The following RLIM variants were observed in gnomAD, a reference collection of about 807,000 sequenced individuals.
The protein encoded by RLIM is E3 ubiquitin-protein ligase RLIM.
A neutral mutation model predicts 34.0 loss-of-function variants in RLIM; 2 were observed. That is an observed-to-expected ratio of 0.06 (90% CI 0.02 to 0.19). The LOEUF (loss-of-function observed/expected upper bound fraction) is 0.19. Among genes scored for constraint, RLIM ranks in the 10% least tolerant of loss-of-function variants. The pLI is 1.00. For synonymous variants in RLIM, 169 were observed against 164.0 expected, an observed-to-expected ratio of 1.03 and a Z score of -0.23; for missense variants, 286 against 479.7, an observed-to-expected ratio of 0.60 and a Z score of 3.77.
intron 1 of RLIM, among the ~76,000 whole-genome samples, chrX:74,598,778 CAAAAAA>C (rs36109028): frequency 1.5e-5 from 1 of 65,894 alleles, no homozygotes. Flanking sequence ...GACTCTGTTT[CAAAAAA>C]AAAAAAAAAA....
chrX:74,601,292 C>T (rs150566593), intron 1 of RLIM, among the ~76,000 whole-genome samples: 2,272 of 111,476 alleles, frequency 0.02, 71 homozygotes, highest in Admixed American at 0.11. Flanking sequence ...GCCAAGAATG[C>T]GTAATTTCTA....
In RLIM at chrX:74,590,498, C is replaced by T. The variant is rs1199284169; in HGVS notation, c.*942G>A. 1.8e-5 allele frequency: 2 copies of T among 112,611 alleles called. No individual in the cohort carries two copies. The highest frequency in any genetic ancestry group is 3.2e-5 in the African/African-American group (1 of 30,909). The allele number at this position is 112,611 out of a possible 1,213,427, so 9.3% of individuals were successfully genotyped here. ...ATACAATTTCCACTGGTCTTCAACA[C>T]GGTTTAATTCTGCACTGTCCTTTCC... is the stretch of plus-strand genomic sequence containing the variant. On this transcript the variant is annotated 3_prime_UTR_variant, in exon 4 of 4. Coordinates refer to ENST00000332687, the MANE Select transcript of RLIM (RefSeq NM_016120.4).
chrX:74,589,149 T>C lies in RLIM; in HGVS notation c.*2291A>G, dbSNP rs2079601772. ...AATACTTCACAAATGAGTAAGTACG[T>C]CTTGGGAGATTAGGAAGGTACCTGT... is the stretch of plus-strand genomic sequence containing the variant. On this transcript the variant is annotated 3_prime_UTR_variant, in exon 4 of 4. Transcript: ENST00000332687. The C allele has an allele frequency of 8.9e-6, 1 of 111,753 alleles. No homozygotes were observed. The highest frequency in any genetic ancestry group is 3.2e-5 in the African/African-American group (1 of 30,797). 9.2% of individuals were successfully genotyped at this position (111,753 alleles called of 1,213,427 possible).
chrX:74,608,186 T>A (rs983792857), intron 1 of RLIM, among the ~76,000 whole-genome samples: 11 of 111,873 alleles, frequency 9.8e-5, no homozygotes, highest in African/African-American at 3.3e-4. Flanking sequence ...GAAGTCTCCA[T>A]CAATATTAGA....
At chrX:74,597,654 G>A (rs1019121916) in intron 1 of RLIM, among the ~76,000 whole-genome samples, 6 of 111,908 alleles carry the variant, frequency 5.4e-5, no homozygotes, top group African/African-American at 1.9e-4. Flanking sequence ...AAAATGTAAG[G>A]TATTTAACGT....
chrX:74,602,126 A>G (rs1286562590), intron 1 of RLIM, among the ~76,000 whole-genome samples: 1 of 112,148 alleles, frequency 8.9e-6, no homozygotes, highest in African/African-American at 3.2e-5. Context: ...GAAGATGTAT[A>G]TAATAAATAT....
At position 74,587,140 on chromosome X, in the gene RLIM, G is replaced by A. The variant is rs964542367; in HGVS notation, c.*4300C>T. 3.6e-5 allele frequency: 4 copies of A among 111,436 alleles called. No homozygotes were observed. The highest frequency in any genetic ancestry group is 3.7e-4 in the South Asian group (1 of 2,702). The allele number at this position is 111,436 out of a possible 1,213,427, so 9.2% of individuals were successfully genotyped here. A position where few individuals can be genotyped will look rare whatever the true frequency, so the allele number is the denominator to read the frequency against. On this transcript the variant is annotated 3_prime_UTR_variant, in exon 4 of 4. Coordinates refer to ENST00000332687, the MANE Select transcript of RLIM (RefSeq NM_016120.4). Reference sequence around the variant, plus strand: ...TAAATAAGTGACATACTAGTTCCTCGGATCTTTTACTTTTTTCCAAATGAA... The same window carrying A: ...TAAATAAGTGACATACTAGTTCCTCAGATCTTTTACTTTTTTCCAAATGAA...
Position 74,591,819 on chromosome X carries a change from C to T in RLIM, c.1496G>A (p.Gly499Glu), listed in dbSNP as rs1479399372. The part of the protein sequence containing the change: ...SSDLFEGSNE[G>E]SSSSGSSGAR... ...ACCTGATGAGCCTGATGATGAGCTTCCTTCATTACTGCCTTCAAATAAATC... is the reference window on the plus strand; with the variant it reads ...ACCTGATGAGCCTGATGATGAGCTTTCTTCATTACTGCCTTCAAATAAATC... Residue 499 changes from glycine to glutamate, a missense_variant, in exon 4 of 4, where the codon GGA becomes GAA. Gly to Glu is a moderately conservative substitution (Grantham distance 98, BLOSUM62 -2). Transcript: ENST00000332687. The T allele has an allele frequency of 8.3e-7, 1 of 1,211,484 alleles. No individual in the cohort carries two copies. The highest frequency in any genetic ancestry group is 1.8e-5 in the South Asian group (1 of 56,925).
Position 74,592,916 on chromosome X carries a change from A to G in RLIM, c.399T>C (p.Gly133=), listed in dbSNP as rs1315482495. ...RAVSRTNPNS[G]DFRFSLEINV... ...TTATCTCTAAACTGAATCTGAAATC[A>G]CCACTGTTTGGATTAGTCCGACTCA... is the stretch of plus-strand genomic sequence containing the variant. The change falls in exon 4 of 4, where the codon GGT becomes GGC. Residue 133 remains glycine (G), a synonymous_variant. Transcript: ENST00000332687. 3 of 1,209,950 alleles carry G rather than the reference A, an allele frequency of 2.5e-6. No individual in the cohort carries two copies. Among genetic ancestry groups the G allele is most frequent in the Admixed American group, 4.4e-5 (2 of 45,760 alleles).
chrX:74,597,837 T>C (rs1000543012), intron 1 of RLIM, among the ~76,000 whole-genome samples: 8 of 111,912 alleles, frequency 7.1e-5, no homozygotes, highest in African/African-American at 2.6e-4. Context: ...ACACAACATT[T>C]GATGGGCTAA....
intron 1 of RLIM, among the ~76,000 whole-genome samples, chrX:74,599,261 G>A (rs2079651807): frequency 8.9e-6 from 1 of 111,752 alleles, no homozygotes; most frequent in South Asian, 3.7e-4. Context: ...CGAGTTTAAG[G>A]AAACCAGAAT....
At chrX:74,593,989 G>A (rs999105597) in intron 3 of RLIM, among the ~76,000 whole-genome samples, 2 of 112,236 alleles carry the variant, frequency 1.8e-5, no homozygotes, top group African/African-American at 6.5e-5. Flanking sequence ...TGCTGGTGAA[G>A]AAGTCACATG....
chrX:74,604,952 A>C (rs1180751961), intron 1 of RLIM, among the ~76,000 whole-genome samples: 3 of 110,981 alleles, frequency 2.7e-5, no homozygotes, highest in African/African-American at 6.6e-5. Flanking sequence ...TATTTTCCCC[A>C]TGATACTCCT....
intron 1 of RLIM, among the ~76,000 whole-genome samples, chrX:74,596,864 C>G (rs1186948797): frequency 1.8e-5 from 2 of 111,352 alleles, no homozygotes; most frequent in Non-Finnish European, 3.8e-5. Context: ...ACTGAGTATA[C>G]ACTCATCATC....
In RLIM at chrX:74,586,091, A is replaced by C. The variant is rs1164424942; in HGVS notation, c.*5349T>G. On this transcript the variant is annotated 3_prime_UTR_variant, in exon 4 of 4. Transcript: ENST00000332687. ...TCCTGGGAGAAGATAAAACAGGCAC[A>C]GATACATCACCAGGCCAACTGCGTA... The C allele has an allele frequency of 2.7e-5, 3 of 112,110 alleles. No homozygotes were observed. The highest frequency in any genetic ancestry group is 9.7e-5 in the African/African-American group (3 of 30,798). The allele number at this position is 112,110 out of a possible 1,213,427, so 9.2% of individuals were successfully genotyped here. A position where few individuals can be genotyped will look rare whatever the true frequency, so the allele number is the denominator to read the frequency against.
Position 74,589,839 on chromosome X carries a change from G to A in RLIM, c.*1601C>T. The A allele has an allele frequency of 8.9e-6, 1 of 111,965 alleles. No individual in the cohort carries two copies. Among genetic ancestry groups the A allele is most frequent in the East Asian group, 2.8e-4 (1 of 3,564 alleles). The allele number at this position is 111,965 out of a possible 1,213,427, so 9.2% of individuals were successfully genotyped here. On this transcript the variant is annotated 3_prime_UTR_variant, in exon 4 of 4. Coordinates refer to ENST00000332687, the MANE Select transcript of RLIM (RefSeq NM_016120.4). ...CCAGCTAGTCTCAAAAAAGAAATTA[G>A]GCAAGAAGACTGGGGTTATCATGAA...
At chrX:74,613,543 G>C (rs753788140) in intron 1 of RLIM, among the ~76,000 whole-genome samples, 37 of 109,552 alleles carry the variant, frequency 3.4e-4, no homozygotes, top group African/African-American at 1.1e-3. Context: ...AAGGGACCGA[G>C]TATTCAGGAA....
intron 1 of RLIM, among the ~76,000 whole-genome samples, chrX:74,601,517 A>AC (rs2079661145): frequency 9.0e-6 from 1 of 110,958 alleles, no homozygotes; most frequent in Non-Finnish European, 1.9e-5. Context: ...AAAAAATACA[A>AC]ACCCCCCCCC....
Position 74,595,761 on chromosome X carries a change from T to A in RLIM, c.169+48A>T, listed in dbSNP as rs1390968620. 8 of 997,559 alleles carry A rather than the reference T, an allele frequency of 8.0e-6. No homozygotes were observed. In the East Asian group the frequency reaches 1.9e-4, roughly 24 times the overall value. The allele number at this position is 997,559 out of a possible 1,213,427, so 82.2% of individuals were successfully genotyped here. A position where few individuals can be genotyped will look rare whatever the true frequency, so the allele number is the denominator to read the frequency against. On this transcript the variant is annotated intron_variant, in intron 2 of 3. Transcript: ENST00000332687. Reference sequence around the variant, plus strand: ...TAAAACAGGTTCAAGCATTTTTTTTTAAACCAGCAACTTACACTTATAAAT... The same window carrying A: ...TAAAACAGGTTCAAGCATTTTTTTTAAAACCAGCAACTTACACTTATAAAT...
Sources: gnomAD v4.1 joint callset for allele counts (sites outside exome capture counted in the v4.1 genomes callset) on GRCh38, gnomAD v4.1.1 for gene constraint, MANE v1.5 for transcripts, NCBI Gene and HGNC (gene_info 2026-07-23, HGNC 2026-07-21) for gene names.